The following NAV1 variants were observed in gnomAD, a reference collection of about 807,000 sequenced individuals.
NAV1 encodes neuron navigator 1.
Under a neutral mutation model 175.2 loss-of-function variants are expected in NAV1, and 18 were observed. That is an observed-to-expected ratio of 0.10 (90% CI 0.07 to 0.15). The LOEUF is 0.15. NAV1 is among the 10% of genes least tolerant of loss of function. NAV1 has a pLI of 1.00. For missense variants in NAV1, 1,731 were observed against 2,436.6 expected, an observed-to-expected ratio of 0.71 and a Z score of 6.10; for synonymous variants, 897 against 978.7, an observed-to-expected ratio of 0.92 and a Z score of 1.56.
chr1:201,598,360 G>A (rs1667415078), intron 2 of NAV1, among the ~76,000 whole-genome samples: 1 of 152,238 alleles, frequency 6.6e-6, no homozygotes, highest in Non-Finnish European at 1.5e-5. Flanking sequence ...ATCAAGTGCT[G>A]GAGGATCTTA....
chr1:201,561,126 G>A (rs1427157082), intron 1 of NAV1, among the ~76,000 whole-genome samples: 2 of 152,182 alleles, frequency 1.3e-5, no homozygotes, highest in African/African-American at 2.4e-5. Flanking sequence ...CCTCTGTGGT[G>A]GGTGGGACCC....
chr1:201,720,272 G>T (rs185592512), intron 3 of NAV1, among the ~76,000 whole-genome samples: 1 of 152,218 alleles, frequency 6.6e-6, no homozygotes, highest in East Asian at 1.9e-4. Flanking sequence ...ATCCCAGGAG[G>T]GTGCAGAGGG....
At chr1:201,818,757 T>C (rs1351860261) in intron 29 of NAV1, among the ~76,000 whole-genome samples, 2 of 152,234 alleles carry the variant, frequency 1.3e-5, no homozygotes, top group African/African-American at 4.8e-5. Flanking sequence ...TTTGGCAGAT[T>C]ATATTAAAAC....
At chr1:201,774,702 C>T (rs1675823987) in intron 3 of NAV1, among the ~76,000 whole-genome samples, 2 of 152,174 alleles carry the variant, frequency 1.3e-5, no homozygotes, top group African/African-American at 4.8e-5. Flanking sequence ...TGTCTCGTCA[C>T]CTCTCTCTAC....
chr1:201,689,538 A>G (rs953442410), intron 1 of NAV1, among the ~76,000 whole-genome samples: 24 of 152,272 alleles, frequency 1.6e-4, no homozygotes, highest in African/African-American at 5.5e-4. Context: ...GACAGGATGG[A>G]CAGGCTTTCC....
chr1:201,759,508 G>A (rs139595185), intron 3 of NAV1, among the ~76,000 whole-genome samples: 14 of 152,308 alleles, frequency 9.2e-5, no homozygotes, highest in African/African-American at 2.9e-4. Flanking sequence ...ATTATTTAAG[G>A]TGGTTTTCCA....
In NAV1 at chr1:201,579,062, G is replaced by A. The variant is rs190991679; in HGVS notation, c.-143-9477G>A. On this transcript the variant is annotated intron_variant, in intron 1 of 33. Coordinates refer to the NAV1 transcript ENST00000685211. ...GCAGCAGAATCGCTCGAACCTGGGAGGCGGAGGTTGCAGTGAGCCAAGATC... is the reference window on the plus strand; with the variant it reads ...GCAGCAGAATCGCTCGAACCTGGGAAGCGGAGGTTGCAGTGAGCCAAGATC... 2.2e-3 allele frequency among the ~76,000 whole-genome samples: 334 copies of A among 152,156 alleles called. 1 individual carries two copies. Among genetic ancestry groups the A allele is most frequent in the African/African-American group, 8.0e-3 (330 of 41,506 alleles).
At chr1:201,586,551 T>G (rs1413282880) in intron 1 of NAV1, among the ~76,000 whole-genome samples, 1 of 152,064 alleles carries the variant, frequency 6.6e-6, no homozygotes, top group African/African-American at 2.4e-5. Context: ...GGTTGGTGCC[T>G]GGTGAGGTCT....
chr1:201,561,048 G>A (rs1666181791), intron 1 of NAV1, among the ~76,000 whole-genome samples: 1 of 152,212 alleles, frequency 6.6e-6, no homozygotes. Flanking sequence ...CCAACCTGGG[G>A]TGGGGCTTTG....
intron 1 of NAV1, among the ~76,000 whole-genome samples, chr1:201,546,713 G>A (rs915253705): frequency 6.6e-6 from 1 of 151,740 alleles, no homozygotes; most frequent in Admixed American, 6.6e-5. Context: ...GACCATCCTG[G>A]TCCAACATGG....
intron 1 of NAV1, among the ~76,000 whole-genome samples, chr1:201,672,457 G>A (rs1452410109): frequency 6.6e-6 from 1 of 152,124 alleles, no homozygotes; most frequent in Non-Finnish European, 1.5e-5. Flanking sequence ...CCCAGATTTT[G>A]GATAATAGAG....
At chr1:201,666,746 C>T (rs112494284) in intron 1 of NAV1, among the ~76,000 whole-genome samples, 13 of 152,212 alleles carry the variant, frequency 8.5e-5, no homozygotes, top group Admixed American at 3.3e-4. Flanking sequence ...TGGGTGGGAG[C>T]GGCCTTCCCT....
At chr1:201,760,318 T>G (rs1674759905) in intron 3 of NAV1, among the ~76,000 whole-genome samples, 1 of 152,122 alleles carries the variant, frequency 6.6e-6, no homozygotes, top group Admixed American at 6.6e-5. Flanking sequence ...AATACAAAAA[T>G]TAACCAGTCT....
At chr1:201,640,608 C>T (rs2102312435) in intron 2 of NAV1, among the ~76,000 whole-genome samples, 1 of 152,302 alleles carries the variant, frequency 6.6e-6, no homozygotes. Context: ...GGTCATTCCT[C>T]TGAAGAACTG....
chr1:201,624,305 G>T (rs1046259275), intron 1 of NAV1, among the ~76,000 whole-genome samples: 4 of 146,222 alleles, frequency 2.7e-5, no homozygotes, highest in Non-Finnish European at 4.5e-5. Context: ...CAAGTTGATT[G>T]CATAGAAAAA....
intron 1 of NAV1, among the ~76,000 whole-genome samples, chr1:201,708,687 C>T (rs893739855): frequency 1.3e-5 from 2 of 152,138 alleles, no homozygotes; most frequent in Non-Finnish European, 2.9e-5. Context: ...ATTCTGAGCA[C>T]GTCCTCCACT....
rs1328244870 is a variant in NAV1, at chr1:201,807,357, A to G, written c.3649-596A>G. Among the ~76,000 whole-genome samples, 1 of 152,256 alleles carries G rather than the reference A, an allele frequency of 6.6e-6. No individual in the cohort carries two copies. Among genetic ancestry groups the G allele is most frequent in the Non-Finnish European group, 1.5e-5 (1 of 68,044 alleles). On this transcript the variant is annotated intron_variant, in intron 17 of 29. Coordinates refer to ENST00000367296, the Ensembl canonical transcript of NAV1. The surrounding 1 kb of genome is among the most constrained non-coding windows in gnomAD (Gnocchi z 5.4). ...CCCACTGCCTTCTCGTGTTCTCCAC[A>G]GAATCATATTGTCAGTTTCTGGTTG... is the stretch of plus-strand genomic sequence containing the variant.
chr1:201,574,653 C>T (rs1462810337), intron 1 of NAV1, among the ~76,000 whole-genome samples: 1 of 152,222 alleles, frequency 6.6e-6, no homozygotes, highest in Non-Finnish European at 1.5e-5. Flanking sequence ...AAGCTGGTAG[C>T]CAGAACCACA....
chr1:201,563,659 G>A (rs909751407), intron 1 of NAV1, among the ~76,000 whole-genome samples: 1 of 152,118 alleles, frequency 6.6e-6, no homozygotes, highest in Non-Finnish European at 1.5e-5. Context: ...CAAAATGAGG[G>A]CATGGATCCC....
Sources: allele counts gnomAD v4.1 joint callset (sites outside exome capture counted in the v4.1 genomes callset), GRCh38; gene constraint gnomAD v4.1.1; non-coding constraint Gnocchi (gnomAD v3.1); transcripts MANE v1.5; gene names NCBI Gene and HGNC (gene_info 2026-07-23, HGNC 2026-07-21).